The following VAV3 variants were observed in gnomAD, a reference collection of about 807,000 sequenced individuals.
VAV3 encodes the protein vav guanine nucleotide exchange factor 3.
VAV3 carries 94 observed loss-of-function variants against 131.2 expected under a neutral mutation model. The ratio of observed to expected loss-of-function variants is 0.72; its 90% CI spans 0.61 to 0.85. The LOEUF (loss-of-function observed/expected upper bound fraction) is 0.85, where lower values mean the gene tolerates loss of function less well. Among genes scored for constraint, VAV3 ranks in the 40% least tolerant of loss-of-function variants. The pLI is 0.00. For missense variants in VAV3, 939 were observed against 1,002.7 expected (o/e 0.94, Z 0.86); for synonymous variants, 349 against 342.0 (o/e 1.02, Z -0.22).
chr1:107,895,145 G>A (rs529605653), intron 1 of VAV3, among the ~76,000 whole-genome samples: 2 of 152,196 alleles, frequency 1.3e-5, no homozygotes, highest in African/African-American at 4.8e-5. Flanking sequence ...GCTATGGGAA[G>A]CAGGAGCAGG....
chr1:107,768,011 T>C (rs1456252030), intron 7 of VAV3, among the ~76,000 whole-genome samples: 4 of 152,114 alleles, frequency 2.6e-5, no homozygotes, highest in East Asian at 3.9e-4. Context: ...AAGCACCAAA[T>C]AGTAGAAGTC....
chr1:107,574,510 C>T (rs1004216897), intron 25 of VAV3, among the ~76,000 whole-genome samples: 3 of 152,114 alleles, frequency 2.0e-5, no homozygotes, highest in African/African-American at 4.8e-5. Context: ...TAAAAAAACT[C>T]GTTAATATCT....
intron 6 of VAV3, among the ~76,000 whole-genome samples, chr1:107,770,329 A>C (rs544700940): frequency 9.3e-5 from 14 of 151,308 alleles, no homozygotes; most frequent in Admixed American, 2.6e-4. Flanking sequence ...ATTTTTCTTC[A>C]GAAAACTTAT....
At chr1:107,659,015 G>A (rs1656801081) in intron 19 of VAV3, among the ~76,000 whole-genome samples, 1 of 152,248 alleles carries the variant, frequency 6.6e-6, no homozygotes, top group African/African-American at 2.4e-5. Context: ...TAGACATGAA[G>A]TCCTTGCCCA....
chr1:107,955,532 G>T (rs1021277627), intron 1 of VAV3, among the ~76,000 whole-genome samples: 1 of 152,066 alleles, frequency 6.6e-6, no homozygotes, highest in African/African-American at 2.4e-5. Context: ...CTGCAAAACA[G>T]CAAGAAATGC....
At chr1:107,699,927 T>C (rs1659994635) in intron 17 of VAV3, among the ~76,000 whole-genome samples, 1 of 152,128 alleles carries the variant, frequency 6.6e-6, no homozygotes, top group African/African-American at 2.4e-5. Flanking sequence ...TAAACTGACT[T>C]GATAGGATTC....
At chr1:107,959,352 C>A (rs1227538668) in intron 1 of VAV3, among the ~76,000 whole-genome samples, 2 of 152,108 alleles carry the variant, frequency 1.3e-5, no homozygotes, top group Admixed American at 6.6e-5. Context: ...GTTCTCTTTG[C>A]AGCAAAATTA....
At chr1:107,722,840 C>CTTTTTTTTTTTTTTTTTTTTTTT (rs374127110) in intron 15 of VAV3, among the ~76,000 whole-genome samples, 1 of 129,812 alleles carries the variant, frequency 7.7e-6, no homozygotes, top group African/African-American at 2.9e-5. Context: ...ATTATCCTCT[C>CTTTTTTTTTTTTTTTTTTTTTTT]TTTTTTTTTT....
chr1:107,790,679 CTTTTT>C (rs145926469), intron 2 of VAV3, among the ~76,000 whole-genome samples: 1 of 69,818 alleles, frequency 1.4e-5, no homozygotes, highest in Non-Finnish European at 2.6e-5. Context: ...AAATGTCTTC[CTTTTT>C]TTTTTTTTTT....
intron 2 of VAV3, among the ~76,000 whole-genome samples, chr1:107,798,010 A>G (rs1183811528): frequency 6.6e-6 from 1 of 152,208 alleles, no homozygotes; most frequent in African/African-American, 2.4e-5. Flanking sequence ...AGAGATTAAC[A>G]CAAGACCATA....
intron 2 of VAV3, among the ~76,000 whole-genome samples, chr1:107,781,415 T>C (rs1383977786): frequency 6.6e-6 from 1 of 152,110 alleles, no homozygotes; most frequent in Non-Finnish European, 1.5e-5. Flanking sequence ...CACAATAAAA[T>C]AAAAAAGATG....
chr1:107,651,079 C>T (rs1224078945), intron 19 of VAV3, among the ~76,000 whole-genome samples: 2 of 151,922 alleles, frequency 1.3e-5, no homozygotes, highest in African/African-American at 2.4e-5. Flanking sequence ...TAAAAGAGGC[C>T]CTAGAGAGCT....
intron 15 of VAV3, among the ~76,000 whole-genome samples, chr1:107,720,137 C>T (rs1025902671): frequency 2.0e-5 from 3 of 151,976 alleles, no homozygotes; most frequent in Non-Finnish European, 4.4e-5. Context: ...TGCAGCAAAC[C>T]AACACAGCAC....
chr1:107,618,150 G>A (rs1236984572), intron 20 of VAV3, among the ~76,000 whole-genome samples: 2 of 152,258 alleles, frequency 1.3e-5, no homozygotes, highest in Non-Finnish European at 2.9e-5. Flanking sequence ...AGGTAGTAAC[G>A]CTTGCTCATT....
intron 1 of VAV3, among the ~76,000 whole-genome samples, chr1:107,882,465 C>T (rs2101038840): frequency 6.6e-6 from 1 of 152,234 alleles, no homozygotes; most frequent in South Asian, 2.1e-4. Flanking sequence ...CATTAAGGTA[C>T]AAGAAGAATT....
intron 17 of VAV3, among the ~76,000 whole-genome samples, chr1:107,704,182 A>G (rs1251002219): frequency 1.3e-5 from 2 of 152,358 alleles, no homozygotes; most frequent in Non-Finnish European, 2.9e-5. Flanking sequence ...TTTAAGAACT[A>G]AAGATAGAAG....
chr1:107,623,213 T>C (rs1428649410), intron 20 of VAV3, among the ~76,000 whole-genome samples: 3 of 152,192 alleles, frequency 2.0e-5, no homozygotes, highest in African/African-American at 7.2e-5. Context: ...CTTTTGCAAG[T>C]TTCAGTGGTA....
At chr1:107,649,300 C>T (rs913955267) in intron 19 of VAV3, among the ~76,000 whole-genome samples, 1 of 152,054 alleles carries the variant, frequency 6.6e-6, no homozygotes, top group Non-Finnish European at 1.5e-5. Context: ...ATGTGAGACA[C>T]CAGCGGCTGA....
chr1:107,642,999 T>C (rs1655467360), intron 19 of VAV3, among the ~76,000 whole-genome samples: 1 of 152,142 alleles, frequency 6.6e-6, no homozygotes, highest in Admixed American at 6.6e-5. Flanking sequence ...ACCATCAATC[T>C]CTTTTTTAGT....
Sources: gnomAD v4.1 joint callset for allele counts (sites outside exome capture counted in the v4.1 genomes callset) on GRCh38, gnomAD v4.1.1 for gene constraint, MANE v1.5 for transcripts, NCBI Gene and HGNC (gene_info 2026-07-23, HGNC 2026-07-21) for gene names.